VTI1A: variants seen among roughly 807,000 people sequenced by gnomAD.
VTI1A encodes vesicle transport through interaction with t-SNAREs homolog 1A.
In VTI1A, 22 loss-of-function variants were observed where a neutral mutation model predicts 34.9. The ratio of observed to expected loss-of-function variants is 0.63; its 90% confidence interval spans 0.45 to 0.90. The LOEUF (loss-of-function observed/expected upper bound fraction) is 0.90. Among genes scored for constraint, VTI1A ranks in the 40% least tolerant of loss-of-function variants. The pLI, the probability that VTI1A is intolerant of heterozygous loss-of-function variation, is 0.00. For missense variants in VTI1A, 268 were observed against 275.6 expected, an observed-to-expected ratio of 0.97 and a Z score of 0.20; for synonymous variants, 87 against 97.3, an observed-to-expected ratio of 0.89 and a Z score of 0.62.
chr10:112,805,530 G>A (rs184682003), intron 7 of VTI1A, among the ~76,000 whole-genome samples: 3 of 152,294 alleles, frequency 2.0e-5, no homozygotes, highest in East Asian at 3.9e-4. Context: ...TTTATATGTC[G>A]AAGTACTAAC....
chr10:112,696,394 G>C (rs541133447), intron 7 of VTI1A, among the ~76,000 whole-genome samples: 1 of 152,170 alleles, frequency 6.6e-6, no homozygotes, highest in South Asian at 2.1e-4. Context: ...CCTGAGGCTG[G>C]TTTGCATGCA....
chr10:112,799,717 C>T (rs1045791649), intron 7 of VTI1A, among the ~76,000 whole-genome samples: 2 of 152,120 alleles, frequency 1.3e-5, no homozygotes, highest in African/African-American at 2.4e-5. Flanking sequence ...AGTTCACCTG[C>T]GCAGATCTGA....
chr10:112,820,731 G>A (rs1853637023), downstream of VTI1A, among the ~76,000 whole-genome samples: 1 of 152,218 alleles, frequency 6.6e-6, no homozygotes. Flanking sequence ...TGCGGGGAGT[G>A]CAGAGTGAGT....
intron 5 of VTI1A, among the ~76,000 whole-genome samples, chr10:112,654,488 T>C (rs950157083): frequency 2.0e-5 from 3 of 152,080 alleles, no homozygotes; most frequent in Admixed American, 1.3e-4. Flanking sequence ...CTTTTTCTTT[T>C]TATTTATTTA....
intron 5 of VTI1A, among the ~76,000 whole-genome samples, chr10:112,666,947 C>G (rs569634007): frequency 1.3e-5 from 2 of 152,166 alleles, no homozygotes; most frequent in South Asian, 4.1e-4. Flanking sequence ...TATGGATAAA[C>G]TGAGGCACAG....
At chr10:112,598,118 A>G (rs921498255) in intron 5 of VTI1A, among the ~76,000 whole-genome samples, 5 of 152,206 alleles carry the variant, frequency 3.3e-5, no homozygotes, top group African/African-American at 1.2e-4. Flanking sequence ...AAATAAAAGC[A>G]GTTTTATCTA....
At chr10:112,745,318 T>C (rs563263482) in intron 7 of VTI1A, among the ~76,000 whole-genome samples, 10 of 152,286 alleles carry the variant, frequency 6.6e-5, no homozygotes, top group Admixed American at 2.6e-4. Flanking sequence ...TTTTTAAGAT[T>C]GTTGTCAAAT....
intron 7 of VTI1A, among the ~76,000 whole-genome samples, chr10:112,764,633 T>C (rs1016652873): frequency 6.6e-6 from 1 of 152,198 alleles, no homozygotes; most frequent in Non-Finnish European, 1.5e-5. Context: ...TATACCTGTA[T>C]AAATATAAAT....
chr10:112,715,122 T>C (rs1441276662), intron 7 of VTI1A, among the ~76,000 whole-genome samples: 2 of 152,182 alleles, frequency 1.3e-5, no homozygotes, highest in Non-Finnish European at 2.9e-5. Flanking sequence ...CCTGGTAATT[T>C]GGTATGTAAC....
chr10:112,627,674 C>T (rs1275902109), intron 5 of VTI1A, among the ~76,000 whole-genome samples: 3 of 152,050 alleles, frequency 2.0e-5, no homozygotes, highest in African/African-American at 4.8e-5. Flanking sequence ...TTCATATTTA[C>T]ATTTATAATG....
chr10:112,723,370 G>A (rs1849882114), intron 7 of VTI1A, among the ~76,000 whole-genome samples: 1 of 152,168 alleles, frequency 6.6e-6, no homozygotes, highest in South Asian at 2.1e-4. Flanking sequence ...ACTTCCCGAT[G>A]AAGTGGAATG....
chr10:112,796,428 T>C (rs1590192737), intron 7 of VTI1A, among the ~76,000 whole-genome samples: 2 of 145,324 alleles, frequency 1.4e-5, no homozygotes, highest in Non-Finnish European at 1.5e-5. Flanking sequence ...AAAAGAAGGC[T>C]GTCATGTGTC....
chr10:112,763,923 T>C (rs1192789720), intron 7 of VTI1A, among the ~76,000 whole-genome samples: 1 of 152,184 alleles, frequency 6.6e-6, no homozygotes, highest in African/African-American at 2.4e-5. Context: ...CTCAATCGGT[T>C]TATCTGTCTG....
chr10:112,546,709 TCCTGC>T (rs1851144279), intron 5 of VTI1A, among the ~76,000 whole-genome samples: 3 of 152,190 alleles, frequency 2.0e-5, no homozygotes, highest in Non-Finnish European at 4.4e-5. Flanking sequence ...CATCACAATT[TCCTGC>T]ATATCTTGTT....
chr10:112,836,143 C>G, the VTI1A span, among the ~76,000 whole-genome samples: 1 of 152,170 alleles, frequency 6.6e-6, no homozygotes, highest in Admixed American at 6.5e-5. Context: ...TTCCAACAGC[C>G]GAGGCGGCAG....
chr10:112,656,866 T>C (rs1022047028), intron 5 of VTI1A, among the ~76,000 whole-genome samples: 1 of 152,130 alleles, frequency 6.6e-6, no homozygotes, highest in African/African-American at 2.4e-5. Flanking sequence ...TGGGAGGTGA[T>C]TGGATGATGG....
At chr10:112,463,132 T>G (rs1158636257) in intron 2 of VTI1A, among the ~76,000 whole-genome samples, 1 of 152,008 alleles carries the variant, frequency 6.6e-6, no homozygotes. Flanking sequence ...ACCTTGTTGG[T>G]CAGGCTAGTC....
intron 5 of VTI1A, among the ~76,000 whole-genome samples, chr10:112,634,981 G>A (rs1049464394): frequency 1.3e-5 from 2 of 152,126 alleles, no homozygotes; most frequent in Non-Finnish European, 2.9e-5. Flanking sequence ...TTCCTTAACT[G>A]TTAAAATAGG....
At chr10:112,527,827 G>T (rs774557462) in intron 4 of VTI1A, among the ~76,000 whole-genome samples, 1 of 151,864 alleles carries the variant, frequency 6.6e-6, no homozygotes, top group Non-Finnish European at 1.5e-5. Flanking sequence ...CTTGGCTGTC[G>T]GTTCTCATTG....
Sources: allele counts gnomAD v4.1 joint callset (sites outside exome capture counted in the v4.1 genomes callset), GRCh38; gene constraint gnomAD v4.1.1; transcripts MANE v1.5; gene names NCBI Gene and HGNC (gene_info 2026-07-23, HGNC 2026-07-21).